The following PDE1C variants were observed in gnomAD, a reference collection of about 807,000 sequenced individuals.
The protein encoded by PDE1C is phosphodiesterase 1C, also known as dual specificity calcium/calmodulin-dependent 3',5'-cyclic nucleotide phosphodiesterase 1C.
A neutral mutation model predicts 93.1 loss-of-function variants in PDE1C; 62 were observed. That is an observed-to-expected ratio of 0.67 (90% CI 0.54 to 0.82). The LOEUF (loss-of-function observed/expected upper bound fraction) is 0.82. Among genes scored for constraint, PDE1C ranks in the 40% least tolerant of loss-of-function variants. PDE1C has a pLI of 0.00. For missense variants in PDE1C, 742 were observed against 884.6 expected, an observed-to-expected ratio of 0.84 and a Z score of 2.04; for synonymous variants, 325 against 310.1, an observed-to-expected ratio of 1.05 and a Z score of -0.50.
At chr7:32,358,563 C>A (rs558439614) in intron 1 of PDE1C, among the ~76,000 whole-genome samples, 2 of 152,172 alleles carry the variant, frequency 1.3e-5, no homozygotes, top group East Asian at 3.9e-4. Context: ...GAAAGTGGGG[C>A]AGAGACTGTC....
Position 31,882,514 on chromosome 7 carries a change from C to T in PDE1C, c.129-1654G>A, listed in dbSNP as rs149424263. Among the ~76,000 whole-genome samples, 234 of 152,250 alleles carry T rather than the reference C, an allele frequency of 1.5e-3. 1 individual carries two copies. Among genetic ancestry groups the T allele is most frequent in the African/African-American group, 5.3e-3 (220 of 41,552 alleles). On this transcript the variant is annotated intron_variant, in intron 2 of 17. Transcript: ENST00000396191. ...CTGCCTCCAGTTCTGATTCTCACCT[C>T]AAGGTGCCCAGCTATCCCCTAGGCT...
chr7:31,721,359 A>C, the PDE1C span, among the ~76,000 whole-genome samples: 4 of 152,250 alleles, frequency 2.6e-5, no homozygotes, highest in African/African-American at 9.6e-5. Context: ...GTGTTGGCCA[A>C]TACGGTAGAC....
At chr7:32,056,968 C>T (rs1467229247) in intron 1 of PDE1C, among the ~76,000 whole-genome samples, 1 of 152,140 alleles carries the variant, frequency 6.6e-6, no homozygotes, top group Non-Finnish European at 1.5e-5. Flanking sequence ...GTGTGCCTGC[C>T]TGTACACCCT....
chr7:31,819,604 C>T (rs570449236), intron 14 of PDE1C, among the ~76,000 whole-genome samples: 2 of 152,014 alleles, frequency 1.3e-5, no homozygotes, highest in Admixed American at 6.6e-5. Flanking sequence ...TGAAAACAGC[C>T]AAGAGCAAGC....
At chr7:32,046,161 G>C (rs554432255) in intron 2 of PDE1C, among the ~76,000 whole-genome samples, 3 of 151,588 alleles carry the variant, frequency 2.0e-5, no homozygotes, top group African/African-American at 7.3e-5. Context: ...CTGTATCCTG[G>C]GCTGTCTTCT....
intron 2 of PDE1C, among the ~76,000 whole-genome samples, chr7:31,897,148 T>A (rs1799417619): frequency 1.3e-5 from 2 of 152,126 alleles, no homozygotes; most frequent in South Asian, 2.1e-4. Context: ...TCCCCCAGGA[T>A]TAGAGGGTTT....
At chr7:31,824,086 T>A (rs1481155919) in intron 13 of PDE1C, among the ~76,000 whole-genome samples, 1 of 152,148 alleles carries the variant, frequency 6.6e-6, no homozygotes, top group Non-Finnish European at 1.5e-5. Context: ...CTTTCTTTAC[T>A]CCTTTTCCTG....
intron 2 of PDE1C, among the ~76,000 whole-genome samples, chr7:32,202,819 AT>A (rs1805115052): frequency 1.3e-5 from 2 of 152,178 alleles, no homozygotes; most frequent in Admixed American, 6.5e-5. Flanking sequence ...TGGTTGATTG[AT>A]TGGTTGGTTT....
chr7:31,985,285 T>A (rs1379262497), intron 2 of PDE1C, among the ~76,000 whole-genome samples: 3 of 152,186 alleles, frequency 2.0e-5, no homozygotes, highest in South Asian at 2.1e-4. Context: ...TACATTTTTT[T>A]AAATAGTAGG....
At chr7:32,087,788 G>C (rs1000314848) in intron 3 of PDE1C, among the ~76,000 whole-genome samples, 2 of 151,148 alleles carry the variant, frequency 1.3e-5, no homozygotes, top group Admixed American at 1.3e-4. Flanking sequence ...ACTCATAGGT[G>C]GGAATTGAAC....
intron 2 of PDE1C, among the ~76,000 whole-genome samples, chr7:32,196,979 G>A (rs1804668089): frequency 6.6e-6 from 1 of 152,260 alleles, no homozygotes; most frequent in Admixed American, 6.5e-5. Flanking sequence ...ATAGGGATGA[G>A]GAGAAATTAT....
intron 7 of PDE1C, among the ~76,000 whole-genome samples, chr7:31,861,881 G>C (rs1314644106): frequency 6.6e-6 from 1 of 152,118 alleles, no homozygotes; most frequent in African/African-American, 2.4e-5. Flanking sequence ...ACTGCACTTA[G>C]GATAAAATTG....
intron 2 of PDE1C, among the ~76,000 whole-genome samples, chr7:31,890,587 G>T (rs1798496884): frequency 6.6e-6 from 1 of 152,054 alleles, no homozygotes; most frequent in Non-Finnish European, 1.5e-5. Context: ...ATTATCCAGA[G>T]GAGCTAAAGC....
the PDE1C span, among the ~76,000 whole-genome samples, chr7:31,737,452 T>G: frequency 6.6e-6 from 1 of 152,200 alleles, no homozygotes. Context: ...AACATAAGTC[T>G]GAATTCACTC....
At chr7:32,091,077 G>A (rs1797443196) in intron 3 of PDE1C, among the ~76,000 whole-genome samples, 1 of 152,182 alleles carries the variant, frequency 6.6e-6, no homozygotes, top group Admixed American at 6.5e-5. Context: ...ATAACAGCAA[G>A]GACTGTGCCT....
In PDE1C at chr7:31,751,948, T is replaced by A. The variant is rs928617468; in HGVS notation, c.*1436A>T. The A allele has an allele frequency of 1.3e-5, 2 of 152,144 alleles. No individual in the cohort carries two copies. The highest frequency in any genetic ancestry group is 4.8e-5 in the African/African-American group (2 of 41,428). The allele number at this position is 152,144 out of a possible 1,614,324, so 9.4% of individuals were successfully genotyped here. A position where few individuals can be genotyped will look rare whatever the true frequency, so the allele number is the denominator to read the frequency against. On this transcript the variant is annotated 3_prime_UTR_variant, in exon 18 of 18. Coordinates refer to ENST00000396191, the MANE Select transcript of PDE1C (RefSeq NM_001191057.4). The stretch of plus-strand genomic sequence containing the variant: ...TCTTTGTAGGGCTGTCCTGGAGAGT[T>A]CATCCTGATTATGAAATGCTCTTAG...
At chr7:31,824,377 TAGTAAGTGATGAGGTCAGG>T (rs1449441193) in intron 13 of PDE1C, among the ~76,000 whole-genome samples, 1 of 152,120 alleles carries the variant, frequency 6.6e-6, no homozygotes, top group Non-Finnish European at 1.5e-5. Context: ...ATTGCACAGC[TAGTAAGTGATGAGGTCAGG>T]AGTAAGTGAT....
intron 1 of PDE1C, among the ~76,000 whole-genome samples, chr7:32,314,548 G>A (rs1042733462): frequency 1.3e-5 from 2 of 152,138 alleles, no homozygotes; most frequent in African/African-American, 4.8e-5. Context: ...AAGGGAATGT[G>A]GTTTCTTAGG....
chr7:32,081,708 T>G (rs1434850359), intron 3 of PDE1C, among the ~76,000 whole-genome samples: 2 of 152,214 alleles, frequency 1.3e-5, no homozygotes, highest in Non-Finnish European at 2.9e-5. Flanking sequence ...GAGAGGAAAT[T>G]TTAATGCATG....
Sources: allele counts gnomAD v4.1 joint callset (sites outside exome capture counted in the v4.1 genomes callset), GRCh38; gene constraint gnomAD v4.1.1; transcripts MANE v1.5; gene names NCBI Gene and HGNC (gene_info 2026-07-23, HGNC 2026-07-21).